The following ROR2 variants were observed in gnomAD, a reference collection of about 807,000 sequenced individuals.
ROR2 encodes ROR family WNT receptor 2.
A neutral mutation model predicts 74.9 loss-of-function variants in ROR2; 33 were observed. That is an observed-to-expected ratio of 0.44 (90% CI 0.33 to 0.59). ROR2 has a LOEUF of 0.59. Among genes scored for constraint, ROR2 ranks in the 20% least tolerant of loss-of-function variants. The pLI, the probability that ROR2 is intolerant of heterozygous loss-of-function variation, is 0.02. For missense variants in ROR2, 1,216 were observed against 1,313.8 expected (o/e 0.93, Z 1.15); for synonymous variants, 586 against 558.7 (o/e 1.05, Z -0.69).
At chr9:91,787,211 G>C (rs909706070) in intron 1 of ROR2, among the ~76,000 whole-genome samples, 11 of 152,162 alleles carry the variant, frequency 7.2e-5, no homozygotes, top group Non-Finnish European at 1.3e-4. Flanking sequence ...CAGAATCCAG[G>C]GTTTAAAAAT....
chr9:91,894,761 T>C (rs893177017), intron 1 of ROR2, among the ~76,000 whole-genome samples: 5 of 152,182 alleles, frequency 3.3e-5, no homozygotes, highest in Non-Finnish European at 5.9e-5. Flanking sequence ...AAGTTCCTCC[T>C]ATCCAAAACA....
intron 1 of ROR2, among the ~76,000 whole-genome samples, chr9:91,842,871 G>C (rs1828824679): frequency 6.6e-6 from 1 of 152,206 alleles, no homozygotes; most frequent in African/African-American, 2.4e-5. Flanking sequence ...GCAGTGGTGA[G>C]GGGGGCATCC....
At chr9:91,735,160 A>G (rs1824978378) in intron 5 of ROR2, among the ~76,000 whole-genome samples, 1 of 152,194 alleles carries the variant, frequency 6.6e-6, no homozygotes, top group South Asian at 2.1e-4. Context: ...TCACCCTGAG[A>G]ATGTACTGCT....
At chr9:91,879,607 C>T (rs1190858654) in intron 1 of ROR2, among the ~76,000 whole-genome samples, 5 of 152,140 alleles carry the variant, frequency 3.3e-5, no homozygotes, top group African/African-American at 4.8e-5. Flanking sequence ...TATACACTCA[C>T]GCACTTATGC....
intron 3 of ROR2, 70 bp downstream of exon 3, chr9:91,757,202 C>T: frequency 1.9e-6 from 3 of 1,591,852 alleles, no homozygotes; most frequent in Non-Finnish European, 2.6e-6. Context: ...CAAATAGCAA[C>T]TGGACCTCTT....
At chr9:91,858,688 G>C (rs1174838862) in intron 1 of ROR2, among the ~76,000 whole-genome samples, 1 of 152,180 alleles carries the variant, frequency 6.6e-6, no homozygotes, top group Non-Finnish European at 1.5e-5. Flanking sequence ...TTTTGTGTGT[G>C]CACTACAGCT....
chr9:91,753,395 A>AT (rs1825648659), intron 4 of ROR2, among the ~76,000 whole-genome samples: 1 of 152,242 alleles, frequency 6.6e-6, no homozygotes, highest in Non-Finnish European at 1.5e-5. Flanking sequence ...CAGGTCATTT[A>AT]TTCATTTTTC....
At chr9:91,829,263 C>T (rs1828386042) in intron 1 of ROR2, among the ~76,000 whole-genome samples, 1 of 152,146 alleles carries the variant, frequency 6.6e-6, no homozygotes, top group Admixed American at 6.5e-5. Flanking sequence ...GACATGTTGG[C>T]TGGGCACGGT....
At position 91,726,676 on chromosome 9, in the gene ROR2, G is replaced by A. The variant is rs794727918; in HGVS notation, c.1251C>T (p.Val417=). Residue 417 remains valine, a synonymous_variant, in exon 8 of 9, where the codon GTC becomes GTT. Coordinates refer to ENST00000375708, the MANE Select transcript of ROR2 (RefSeq NM_004560.4). ...ILVPSIAIPL[V]IACLFFLVCM... ...AAACCAAGAAGAAAAGGCAAGCGAT[G>A]ACCAGTGGAATTGCGATGCTGGGGA... The A allele has an allele frequency of 6.2e-7, 1 of 1,613,960 alleles. No homozygotes were observed. The highest frequency in any genetic ancestry group is 8.5e-7 in the Non-Finnish European group (1 of 1,180,008).
chr9:91,851,813 A>G (rs1200886442), intron 1 of ROR2, among the ~76,000 whole-genome samples: 1 of 152,000 alleles, frequency 6.6e-6, no homozygotes, highest in Non-Finnish European at 1.5e-5. Context: ...TGTCTCTACT[A>G]AAAGTACAAA....
chr9:91,918,251 G>A, intron 1 of ROR2, among the ~76,000 whole-genome samples: 1 of 148,996 alleles, frequency 6.7e-6, no homozygotes, highest in South Asian at 2.2e-4. Context: ...CTGGGCGACA[G>A]GAGACTCGTC....
chr9:91,747,864 A>G (rs1383305567), intron 4 of ROR2, among the ~76,000 whole-genome samples: 1 of 152,164 alleles, frequency 6.6e-6, no homozygotes, highest in Non-Finnish European at 1.5e-5. Flanking sequence ...AAGTCAAAGG[A>G]TGTCCTCGTG....
chr9:91,932,187 C>T (rs555210845), intron 1 of ROR2, among the ~76,000 whole-genome samples: 1 of 152,066 alleles, frequency 6.6e-6, no homozygotes, highest in Admixed American at 6.6e-5. Context: ...AAGATTTAAC[C>T]ATACACACAC....
Position 91,724,667 on chromosome 9 carries a change from G to T in ROR2, c.1827C>A (p.His609Gln). 1.2e-6 allele frequency: 2 copies of T among 1,614,214 alleles called. No individual in the cohort carries two copies. The highest frequency in any genetic ancestry group is 4.5e-5 in the East Asian group (2 of 44,872). Residue 609 changes from histidine to glutamine, a missense_variant, in exon 9 of 9, where the codon CAC (histidine) becomes CAA (glutamine). Coordinates refer to ENST00000375708, the MANE Select transcript of ROR2 (RefSeq NM_004560.4). ...TGGCCAGGTCCTTGTGAACCACGTG[G>T]TGGCTGGATAGGTACTCCATCCCCG... is the stretch of plus-strand genomic sequence containing the variant. Reference protein sequence around the residue: ...IAAGMEYLSSHHVVHKDLATR... With the variant: ...IAAGMEYLSSQHVVHKDLATR...
chr9:91,867,574 T>C (rs1050403600), intron 1 of ROR2, among the ~76,000 whole-genome samples: 1 of 151,482 alleles, frequency 6.6e-6, no homozygotes, highest in African/African-American at 2.4e-5. Context: ...AACTTGAAAA[T>C]ACCAGGGAGA....
chr9:91,948,803 A>T (rs983625593), intron 1 of ROR2: 1 of 985,490 alleles, frequency 1.0e-6, no homozygotes, highest in East Asian at 1.1e-4. Context: ...GGCGAACCCC[A>T]TAGGTCTCTG....
In ROR2 at chr9:91,950,040, A is replaced by G. The variant is rs1832133533; in HGVS notation, c.-77T>C. The G allele has an allele frequency of 1.6e-6, 1 of 637,116 alleles. No individual in the cohort carries two copies. The highest frequency in any genetic ancestry group is 2.4e-6 in the Non-Finnish European group (1 of 417,366). The allele number at this position is 637,116 out of a possible 1,614,324, so 39.5% of individuals were successfully genotyped here. A position where few individuals can be genotyped will look rare whatever the true frequency, so the allele number is the denominator to read the frequency against. ...GGGTCGGGCGCCACCACCCCTTTCTACGATGCGTCCGCTCCTCCTTCTCCC... is the reference window on the plus strand; with the variant it reads ...GGGTCGGGCGCCACCACCCCTTTCTGCGATGCGTCCGCTCCTCCTTCTCCC... On this transcript the variant is annotated 5_prime_UTR_variant, in exon 1 of 9. Coordinates refer to ENST00000375708, the MANE Select transcript of ROR2 (RefSeq NM_004560.4).
chr9:91,941,151 C>A (rs896076917), intron 1 of ROR2, among the ~76,000 whole-genome samples: 25 of 152,026 alleles, frequency 1.6e-4, no homozygotes, highest in Non-Finnish European at 3.4e-4. Context: ...GCGCCCACCA[C>A]CGTGCCCAGC....
intron 1 of ROR2, among the ~76,000 whole-genome samples, chr9:91,930,845 T>C (rs1831531690): frequency 6.6e-6 from 1 of 152,212 alleles, no homozygotes; most frequent in South Asian, 2.1e-4. Context: ...AAGACTTAAT[T>C]TGCAGACTGA....
Sources: gnomAD v4.1 joint callset for allele counts (sites outside exome capture counted in the v4.1 genomes callset) on GRCh38, gnomAD v4.1.1 for gene constraint, MANE v1.5 for transcripts, NCBI Gene and HGNC (gene_info 2026-07-23, HGNC 2026-07-21) for gene names.